Variants in MSL2 observed in about 807,000 individuals in gnomAD.
The protein encoded by MSL2 is E3 ubiquitin-protein ligase MSL2.
MSL2 carries 2 observed loss-of-function variants against 35.8 expected under a neutral mutation model. That is an observed-to-expected ratio of 0.06 (90% CI 0.02 to 0.18). The LOEUF (loss-of-function observed/expected upper bound fraction) is 0.18, where lower values mean the gene tolerates loss of function less well. Ranked by LOEUF, MSL2 falls within the 10% of genes least tolerant of loss-of-function variation. The probability of loss-of-function intolerance (pLI) is 1.00; values close to 1 mark genes in which losing one functional copy is unlikely to be tolerated. For synonymous variants in MSL2, 296 were observed against 255.7 expected, an observed-to-expected ratio of 1.16 and a Z score of -1.50; for missense variants, 523 against 706.7, an observed-to-expected ratio of 0.74 and a Z score of 2.95.
At chr3:136,180,194 T>A (rs1383560656) in intron 1 of MSL2, among the ~76,000 whole-genome samples, 1 of 152,192 alleles carries the variant, frequency 6.6e-6, no homozygotes, top group African/African-American at 2.4e-5. Context: ...TATTTGGACT[T>A]CTTATGTTTC....
intron 1 of MSL2, among the ~76,000 whole-genome samples, chr3:136,159,528 TA>T (rs1159544819): frequency 7.4e-6 from 1 of 134,884 alleles, no homozygotes; most frequent in Non-Finnish European, 1.6e-5. Flanking sequence ...CACGCCCAGC[TA>T]TTTTTTTTTT....
chr3:136,171,198 C>T (rs1940018288), intron 1 of MSL2, among the ~76,000 whole-genome samples: 1 of 152,094 alleles, frequency 6.6e-6, no homozygotes, highest in African/African-American at 2.4e-5. Context: ...TAAAGTTAGT[C>T]ACTGTTACAA....
At chr3:136,193,650 T>C (rs1343977808) in intron 1 of MSL2, among the ~76,000 whole-genome samples, 1 of 151,792 alleles carries the variant, frequency 6.6e-6, no homozygotes, top group Non-Finnish European at 1.5e-5. Context: ...AGGCAAACTC[T>C]TGATACACTT....
At position 136,151,456 on chromosome 3, in the gene MSL2, T is replaced by C. The variant is rs1473530920; in HGVS notation, c.1425A>G (p.Thr475=). 3.1e-6 allele frequency: 5 copies of C among 1,614,122 alleles called. No individual in the cohort carries two copies. In the East Asian group the frequency reaches 6.7e-5, roughly 22 times the overall value. The change falls in exon 2 of 2, where the codon ACA becomes ACG. Residue 475 remains threonine, a synonymous_variant. Coordinates refer to ENST00000309993, the MANE Select transcript of MSL2 (RefSeq NM_018133.4). This position sits in a 1 kb window ranked among gnomAD's most constrained non-coding sequence, Gnocchi z 5.2. ...GRATQNPSVL[T]CRGQRCPCYS... The stretch of plus-strand genomic sequence containing the variant: ...AGCAAGGGCAGCGTTGGCCTCGGCA[T>C]GTAAGAACACTTGGATTTTGAGTAG...
chr3:136,177,603 C>A (rs1344698547), intron 1 of MSL2, among the ~76,000 whole-genome samples: 16 of 149,028 alleles, frequency 1.1e-4, no homozygotes, highest in Non-Finnish European at 2.4e-4. Flanking sequence ...GGCATGAACC[C>A]AGGAGGCAGA....
At chr3:136,190,196 T>C (rs1445360786) in intron 1 of MSL2, among the ~76,000 whole-genome samples, 2 of 152,244 alleles carry the variant, frequency 1.3e-5, no homozygotes, top group Admixed American at 1.3e-4. Flanking sequence ...CCAGTAACAC[T>C]GACCAATATA....
At chr3:136,185,245 G>C (rs1461203413) in intron 1 of MSL2, among the ~76,000 whole-genome samples, 1 of 151,146 alleles carries the variant, frequency 6.6e-6, no homozygotes, top group Non-Finnish European at 1.5e-5. Flanking sequence ...TGAAGTGCTG[G>C]GATTACAGGC....
At chr3:136,162,890 G>T (rs924926677) in intron 1 of MSL2, among the ~76,000 whole-genome samples, 1 of 151,598 alleles carries the variant, frequency 6.6e-6, no homozygotes, top group African/African-American at 2.4e-5. Flanking sequence ...CACTGTTGGC[G>T]GCAGTGTTGA....
At chr3:136,190,929 T>C (rs1383244442) in intron 1 of MSL2, among the ~76,000 whole-genome samples, 1 of 152,188 alleles carries the variant, frequency 6.6e-6, no homozygotes, top group Non-Finnish European at 1.5e-5. Flanking sequence ...CACTAGAAGC[T>C]TCAGAAGGTT....
At chr3:136,185,301 T>TA (rs10571267) in intron 1 of MSL2, among the ~76,000 whole-genome samples, 1,156 of 107,062 alleles carry the variant, frequency 0.011, 14 homozygotes, top group African/African-American at 0.029. Flanking sequence ...TTAACAAAGC[T>TA]AAAAAAAAAA....
intron 1 of MSL2, among the ~76,000 whole-genome samples, chr3:136,160,710 A>AT (rs989627100): frequency 6.6e-6 from 1 of 151,470 alleles, no homozygotes; most frequent in African/African-American, 2.4e-5. Flanking sequence ...CTCCATCTCA[A>AT]TTAAAAAAAA....
At chr3:136,173,037 C>A (rs919965329) in intron 1 of MSL2, among the ~76,000 whole-genome samples, 4 of 152,104 alleles carry the variant, frequency 2.6e-5, no homozygotes, top group African/African-American at 9.7e-5. Flanking sequence ...GTGGTGTGCG[C>A]CTGTAATCCC....
At chr3:136,153,612 A>G (rs1559956210) in intron 1 of MSL2, among the ~76,000 whole-genome samples, 1 of 150,548 alleles carries the variant, frequency 6.6e-6, no homozygotes, top group African/African-American at 2.5e-5. Flanking sequence ...ACATGGTAAA[A>G]CCCCATTTCT....
intron 1 of MSL2, among the ~76,000 whole-genome samples, chr3:136,175,615 A>T (rs1940151165): frequency 6.6e-6 from 1 of 152,072 alleles, no homozygotes; most frequent in Non-Finnish European, 1.5e-5. Flanking sequence ...AGAGTCCAGG[A>T]GTTCGAGGCT....
chr3:136,157,501 C>CA (rs1437833143), intron 1 of MSL2, among the ~76,000 whole-genome samples: 9 of 151,590 alleles, frequency 5.9e-5, no homozygotes, highest in East Asian at 5.8e-4. Context: ...GACTCCAACT[C>CA]AAAAAAACGA....
At chr3:136,192,889 G>C (rs1576380318) in intron 1 of MSL2, among the ~76,000 whole-genome samples, 1 of 152,274 alleles carries the variant, frequency 6.6e-6, no homozygotes, top group South Asian at 2.1e-4. Flanking sequence ...TCAATGCTGG[G>C]CTGAATTCAA....
At chr3:136,154,087 TAAAAA>T (rs149944952) in intron 1 of MSL2, among the ~76,000 whole-genome samples, 3 of 135,558 alleles carry the variant, frequency 2.2e-5, no homozygotes, top group African/African-American at 8.2e-5. Flanking sequence ...CCGTCTCATT[TAAAAA>T]AAAAAAAAAA....
chr3:136,194,547 A>G, intron 1 of MSL2: 1 of 662,496 alleles, frequency 1.5e-6, no homozygotes, highest in Non-Finnish European at 1.9e-6. Flanking sequence ...CCCACGTAAC[A>G]CCAGTTTGGG....
rs571131020 is a variant in MSL2 at position 136,167,341 on chromosome 3, G to GA, written c.143-14604dup. On this transcript the variant is annotated intron_variant, in intron 1 of 1. Coordinates refer to ENST00000309993, the MANE Select transcript of MSL2 (RefSeq NM_018133.4). ...TGAAAAATGGTTTAGTTGTTCTATA[G>GA]AAAAAAAAAAATATCAAGGAATTAA... is the stretch of plus-strand genomic sequence containing the variant. Among the ~76,000 whole-genome samples, 280 of 145,354 alleles carry GA rather than the reference G, an allele frequency of 1.9e-3. 1 individual carries two copies. The highest frequency in any genetic ancestry group is 0.01 in the South Asian group (47 of 4,644).
Sources: gnomAD v4.1 joint callset for allele counts (sites outside exome capture counted in the v4.1 genomes callset) on GRCh38, gnomAD v4.1.1 for gene constraint, Gnocchi (gnomAD v3.1) non-coding constraint, MANE v1.5 for transcripts, NCBI Gene and HGNC (gene_info 2026-07-23, HGNC 2026-07-21) for gene names.